Variants in PTPRR observed in about 807,000 individuals in gnomAD.
PTPRR encodes the protein protein tyrosine phosphatase receptor type R.
In PTPRR, 38 loss-of-function variants were observed where a neutral mutation model predicts 77.2. The observed-to-expected ratio is 0.49, with a 90% CI of 0.38 to 0.65. PTPRR has a LOEUF of 0.65. Ranked by LOEUF, PTPRR falls within the 30% of genes least tolerant of loss-of-function variation. The probability of loss-of-function intolerance (pLI) is 0.00; values close to 1 mark genes in which losing one functional copy is unlikely to be tolerated. For synonymous variants in PTPRR, 299 were observed against 283.1 expected (o/e 1.06, Z -0.57); for missense variants, 744 against 799.2 (o/e 0.93, Z 0.83).
At chr12:70,691,248 C>A (rs1888045480) in intron 8 of PTPRR, among the ~76,000 whole-genome samples, 1 of 152,132 alleles carries the variant, frequency 6.6e-6, no homozygotes, top group African/African-American at 2.4e-5. Context: ...GCCCAGTGAT[C>A]CCATTGTGGT....
intron 4 of PTPRR, chr12:70,754,662 C>T (rs1320923854): frequency 2.5e-6 from 4 of 1,597,452 alleles, no homozygotes; most frequent in Non-Finnish European, 2.5e-6. Context: ...TGTTTTAAGT[C>T]CCCTCCCACA....
chr12:70,867,960 G>T (rs1346398504), intron 2 of PTPRR, among the ~76,000 whole-genome samples: 1 of 152,124 alleles, frequency 6.6e-6, no homozygotes, highest in Non-Finnish European at 1.5e-5. Context: ...TTAACAAATG[G>T]TGCTGGGAAA....
At chr12:70,847,142 G>A (rs1892498828) in intron 2 of PTPRR, among the ~76,000 whole-genome samples, 1 of 152,148 alleles carries the variant, frequency 6.6e-6, no homozygotes. Flanking sequence ...CAAAAGTTTT[G>A]ACAAGAGACC....
intron 1 of PTPRR, among the ~76,000 whole-genome samples, chr12:70,904,901 A>G (rs895600121): frequency 6.6e-6 from 1 of 151,782 alleles, no homozygotes; most frequent in African/African-American, 2.4e-5. Flanking sequence ...GGGTATAATA[A>G]GAGAGTGACT....
intron 2 of PTPRR, among the ~76,000 whole-genome samples, chr12:70,854,655 C>T (rs546161909): frequency 6.6e-6 from 1 of 152,322 alleles, no homozygotes; most frequent in South Asian, 2.1e-4. Context: ...CATCCAGGCA[C>T]CAGAGGGTAG....
At position 70,745,991 on chromosome 12, in the gene PTPRR, T is replaced by A; in HGVS notation, c.834A>T (p.Pro278=). The part of the protein sequence containing the change: ...EIHLSPITLQ[P]ALSEAKTVHS... ...GGACTGTCTTTGCCTCGGACAGTGC[T>A]GGCTGTAATGTGATGGGCGATAGGT... The change falls in exon 6 of 14, where the codon CCA becomes CCT. Residue 278 remains proline, a synonymous_variant. Coordinates refer to ENST00000283228, the MANE Select transcript of PTPRR (RefSeq NM_002849.4). 6.2e-7 allele frequency: 1 copy of A among 1,614,110 alleles called. No individual in the cohort carries two copies. Among genetic ancestry groups the A allele is most frequent in the South Asian group, 1.1e-5 (1 of 91,080 alleles).
At chr12:70,800,763 C>T (rs1184499304) in intron 2 of PTPRR, among the ~76,000 whole-genome samples, 1 of 152,010 alleles carries the variant, frequency 6.6e-6, no homozygotes, top group African/African-American at 2.4e-5. Flanking sequence ...GGTGTGGTGA[C>T]ACGTGCCTGT....
intron 2 of PTPRR, among the ~76,000 whole-genome samples, chr12:70,830,036 G>A (rs991998704): frequency 2.0e-5 from 3 of 152,044 alleles, no homozygotes; most frequent in Admixed American, 6.6e-5. Context: ...TTGGCTCTAG[G>A]TCCAGCACTC....
At chr12:70,827,126 A>G (rs1417358655) in intron 2 of PTPRR, among the ~76,000 whole-genome samples, 1 of 152,188 alleles carries the variant, frequency 6.6e-6, no homozygotes. Flanking sequence ...TGGCCCTCTA[A>G]TATCACCTTC....
At chr12:70,793,379 A>G (rs1325286625) in intron 2 of PTPRR, among the ~76,000 whole-genome samples, 1 of 152,200 alleles carries the variant, frequency 6.6e-6, no homozygotes, top group Non-Finnish European at 1.5e-5. Flanking sequence ...TGGCTTTATC[A>G]TTTTTAATCT....
intron 1 of PTPRR, among the ~76,000 whole-genome samples, chr12:70,901,320 G>A (rs562319523): frequency 1.3e-4 from 20 of 151,508 alleles, no homozygotes; most frequent in African/African-American, 3.6e-4. Flanking sequence ...TCACTGAAGC[G>A]TTATTCACAA....
At chr12:70,681,994 A>T (rs1431831217) in intron 10 of PTPRR, among the ~76,000 whole-genome samples, 1 of 148,204 alleles carries the variant, frequency 6.7e-6, no homozygotes, top group Non-Finnish European at 1.5e-5. Flanking sequence ...ATTTCTTAGC[A>T]TCATCCTATA....
At chr12:70,695,113 A>G (rs768295583) in intron 8 of PTPRR, among the ~76,000 whole-genome samples, 2 of 152,182 alleles carry the variant, frequency 1.3e-5, no homozygotes, top group African/African-American at 4.8e-5. Context: ...TGATTTATTC[A>G]TAATTGATTC....
At chr12:70,747,745 T>C (rs1250294955) in intron 5 of PTPRR, among the ~76,000 whole-genome samples, 2 of 152,228 alleles carry the variant, frequency 1.3e-5, no homozygotes, top group Non-Finnish European at 2.9e-5. Flanking sequence ...GTGTACAAAC[T>C]GATTTCTACA....
intron 10 of PTPRR, among the ~76,000 whole-genome samples, chr12:70,666,773 A>C (rs1887010763): frequency 6.6e-6 from 1 of 152,034 alleles, no homozygotes; most frequent in Non-Finnish European, 1.5e-5. Context: ...TGATTGACAT[A>C]AACTATATGA....
intron 2 of PTPRR, among the ~76,000 whole-genome samples, chr12:70,822,950 C>A (rs565106144): frequency 2.1e-4 from 32 of 151,944 alleles, no homozygotes; most frequent in African/African-American, 7.5e-4. Context: ...TGGGTAGAAC[C>A]CTTTCCTCTA....
chr12:70,887,154 A>T (rs1456368653), intron 2 of PTPRR, among the ~76,000 whole-genome samples: 1 of 152,166 alleles, frequency 6.6e-6, no homozygotes, highest in Non-Finnish European at 1.5e-5. Context: ...CTGTCTGTTA[A>T]AAATTTAAGT....
At chr12:70,807,463 C>T (rs1016472805) in intron 2 of PTPRR, among the ~76,000 whole-genome samples, 4 of 152,144 alleles carry the variant, frequency 2.6e-5, no homozygotes, top group East Asian at 3.8e-4. Context: ...TTTGTATCTT[C>T]TAACCAATAT....
chr12:70,872,338 A>G (rs918552910), intron 2 of PTPRR, among the ~76,000 whole-genome samples: 2 of 152,006 alleles, frequency 1.3e-5, no homozygotes, highest in African/African-American at 4.8e-5. Flanking sequence ...CATACAATAT[A>G]TTGCCCATAT....
Sources: gnomAD v4.1 joint callset for allele counts (sites outside exome capture counted in the v4.1 genomes callset) on GRCh38, gnomAD v4.1.1 for gene constraint, MANE v1.5 for transcripts, NCBI Gene and HGNC (gene_info 2026-07-23, HGNC 2026-07-21) for gene names.